Variants in MYCBP2 observed in about 807,000 individuals in gnomAD.
The protein encoded by MYCBP2 is MYC binding protein 2.
Under a neutral mutation model 525.3 loss-of-function variants are expected in MYCBP2, and 120 were observed. The ratio of observed to expected loss-of-function variants is 0.23; its 90% CI spans 0.20 to 0.27. The LOEUF is 0.27. Ranked by LOEUF, MYCBP2 falls within the 10% of genes least tolerant of loss-of-function variation. The probability of loss-of-function intolerance (pLI) is 1.00; values close to 1 mark genes in which losing one functional copy is unlikely to be tolerated. For missense variants in MYCBP2, 4,149 were observed against 5,657.1 expected, an observed-to-expected ratio of 0.73 and a Z score of 8.55; for synonymous variants, 1,894 against 1,955.8, an observed-to-expected ratio of 0.97 and a Z score of 0.83.
chr13:77,271,432 T>A (rs1389500503), intron 5 of MYCBP2, among the ~76,000 whole-genome samples: 2 of 152,172 alleles, frequency 1.3e-5, no homozygotes, highest in Non-Finnish European at 2.9e-5. Flanking sequence ...AATGGACAAG[T>A]AGTATGCATT....
chr13:77,080,081 T>C (rs1192841414), intron 65 of MYCBP2, among the ~76,000 whole-genome samples: 7 of 152,188 alleles, frequency 4.6e-5, no homozygotes, highest in Non-Finnish European at 1.5e-5. Context: ...GCTACAAAAA[T>C]GTTTTGCTTT....
intron 22 of MYCBP2, 108 bp from the exon 23 acceptor site, chr13:77,211,428 A>G (rs1215165284): frequency 1.9e-6 from 1 of 514,938 alleles, no homozygotes. Context: ...TAAGCAGAGA[A>G]TAAAAGAGGC....
At chr13:77,128,134 A>C (rs2052028261) in intron 52 of MYCBP2, among the ~76,000 whole-genome samples, 3 of 151,906 alleles carry the variant, frequency 2.0e-5, no homozygotes, top group African/African-American at 7.2e-5. Context: ...AACCTACATG[A>C]ATACACAGAG....
At chr13:77,168,163 T>G (rs1175324425) in intron 40 of MYCBP2, among the ~76,000 whole-genome samples, 1 of 152,150 alleles carries the variant, frequency 6.6e-6, no homozygotes, top group Non-Finnish European at 1.5e-5. Flanking sequence ...CAGCATGAAG[T>G]TTAGCATTAT....
chr13:77,071,802 T>G (rs775230354), intron 68 of MYCBP2, among the ~76,000 whole-genome samples: 5 of 152,194 alleles, frequency 3.3e-5, no homozygotes, highest in Non-Finnish European at 7.3e-5. Context: ...GGACATTCAC[T>G]AAAACAGACT....
At chr13:77,300,993 T>C (rs9544453) in intron 1 of MYCBP2, among the ~76,000 whole-genome samples, 87,281 of 151,972 alleles carry the variant, frequency 0.57, 28,478 homozygotes, top group Non-Finnish European at 0.74. Context: ...AAGAGACTAG[T>C]AGTGCTTTAG....
intron 53 of MYCBP2, 27 bp downstream of exon 53, chr13:77,126,291 A>C: frequency 6.3e-7 from 1 of 1,587,268 alleles, no homozygotes; most frequent in Non-Finnish European, 8.6e-7. Flanking sequence ...AGTATCTTAG[A>C]AGTCATGAAG....
At chr13:77,294,141 T>TATATATATA (rs1460788828) in intron 2 of MYCBP2, among the ~76,000 whole-genome samples, 1 of 130,898 alleles carries the variant, frequency 7.6e-6, no homozygotes, top group African/African-American at 2.8e-5. Flanking sequence ...CATATATATA[T>TATATATATA]ACATATATAT....
At chr13:77,161,856 C>A in intron 44 of MYCBP2, 50 bp downstream of exon 44, 1 of 1,420,658 alleles carries the variant, frequency 7.0e-7, no homozygotes, top group Non-Finnish European at 9.8e-7. Context: ...AGTGACAATA[C>A]TTTTTAAATT....
chr13:77,209,722 T>G (rs1465837395), intron 23 of MYCBP2, among the ~76,000 whole-genome samples: 10 of 152,210 alleles, frequency 6.6e-5, no homozygotes, highest in African/African-American at 2.4e-4. Flanking sequence ...TGATTTGAGA[T>G]GTACTCAACT....
chr13:77,177,871 A>C lies in MYCBP2; in HGVS notation c.5217T>G (p.Thr1739=), dbSNP rs1437021150. Residue 1739 remains threonine (T), a synonymous_variant, in exon 35 of 83, where the codon ACT becomes ACG. Coordinates refer to ENST00000544440, the MANE Select transcript of MYCBP2 (RefSeq NM_015057.5). ...TKTSQGRSWN[T]GNGSPDAICF... is the part of the protein sequence containing the mutation. ...AGATTGCATCAGGGGACCCGTTCCC[A>C]GTGTTCCAACTTCTGCCCTGACTTG... is the stretch of plus-strand genomic sequence containing the variant. 6.2e-7 allele frequency: 1 copy of C among 1,613,864 alleles called. No homozygotes were observed. The highest frequency in any genetic ancestry group is 1.7e-5 in the Admixed American group (1 of 60,024).
At chr13:77,269,629 T>TAAA (rs531828422) in intron 7 of MYCBP2, among the ~76,000 whole-genome samples, 1 of 147,794 alleles carries the variant, frequency 6.8e-6, no homozygotes, top group Non-Finnish European at 1.5e-5. Flanking sequence ...CTGTCTCAAT[T>TAAA]AAAAAAAAAA....
intron 49 of MYCBP2, among the ~76,000 whole-genome samples, chr13:77,141,642 G>A (rs951958530): frequency 2.0e-5 from 3 of 151,714 alleles, no homozygotes; most frequent in East Asian, 1.9e-4. Flanking sequence ...CTGGTGGCGC[G>A]CACCTGTAAT....
At position 77,260,543 on chromosome 13, in the gene MYCBP2, C is replaced by T; in HGVS notation, c.1902G>A (p.Lys634=). 2.5e-6 allele frequency: 4 copies of T among 1,609,794 alleles called. No homozygotes were observed. The highest frequency in any genetic ancestry group is 3.4e-6 in the Non-Finnish European group (4 of 1,178,638). ...SKPYKPKKII[K]MEGKIVVYTA... is the part of the protein sequence containing the mutation. ...TATATACCACAATCTTTCCTTCCAT[C>T]TTAATTATCTTTTTAGGTTTATAAG... Residue 634 remains lysine, a synonymous_variant, in exon 13 of 83, where the codon AAG becomes AAA. Transcript: ENST00000544440.
At chr13:77,220,487 A>G (rs2065395051) in intron 20 of MYCBP2, among the ~76,000 whole-genome samples, 2 of 152,180 alleles carry the variant, frequency 1.3e-5, no homozygotes, top group African/African-American at 2.4e-5. Context: ...TTAAATAAAG[A>G]GAATATCAAT....
intron 3 of MYCBP2, among the ~76,000 whole-genome samples, chr13:77,285,502 A>G (rs752187753): frequency 2.6e-5 from 4 of 152,174 alleles, no homozygotes; most frequent in Non-Finnish European, 5.9e-5. Flanking sequence ...GAAAGAAGCT[A>G]TTGGCCAGGC....
intron 60 of MYCBP2, among the ~76,000 whole-genome samples, chr13:77,089,873 T>G (rs2045086471): frequency 6.6e-6 from 1 of 152,038 alleles, no homozygotes. Flanking sequence ...TAAAGGTCAA[T>G]TTATTCTCGA....
intron 2 of MYCBP2, among the ~76,000 whole-genome samples, chr13:77,289,638 G>A (rs182489848): frequency 0.012 from 1,820 of 152,084 alleles, 25 homozygotes; most frequent in Middle Eastern, 0.024. Flanking sequence ...TGTGATCCAG[G>A]CAAATTGGTC....
chr13:77,156,990 G>A (rs2057288220), intron 45 of MYCBP2, among the ~76,000 whole-genome samples: 1 of 151,652 alleles, frequency 6.6e-6, no homozygotes, highest in South Asian at 2.1e-4. Context: ...TTTTTTACTA[G>A]TAAAATCATG....
Sources: allele counts gnomAD v4.1 joint callset (sites outside exome capture counted in the v4.1 genomes callset), GRCh38; gene constraint gnomAD v4.1.1; transcripts MANE v1.5; gene names NCBI Gene and HGNC (gene_info 2026-07-23, HGNC 2026-07-21).